POU6F2: variants seen among roughly 807,000 people sequenced by gnomAD.
The protein encoded by POU6F2 is POU domain, class 6, transcription factor 2.
In POU6F2, 31 loss-of-function variants were observed where a neutral mutation model predicts 71.3. The observed-to-expected ratio is 0.43, with a 90% CI of 0.33 to 0.59. POU6F2 has a LOEUF of 0.59. Ranked by LOEUF, POU6F2 falls within the 20% of genes least tolerant of loss-of-function variation. The pLI, the probability that POU6F2 is intolerant of heterozygous loss-of-function variation, is 0.04. For missense variants in POU6F2, 783 were observed against 856.8 expected (o/e 0.91, Z 1.07); for synonymous variants, 347 against 355.7 (o/e 0.98, Z 0.27).
chr7:39,443,916 T>C (rs1202636176), intron 7 of POU6F2, among the ~76,000 whole-genome samples: 1 of 152,216 alleles, frequency 6.6e-6, no homozygotes, highest in Non-Finnish European at 1.5e-5. Flanking sequence ...AGGTAAAATA[T>C]GTCATAAATT....
intron 2 of POU6F2, among the ~76,000 whole-genome samples, chr7:39,115,752 G>A (rs1359907203): frequency 6.6e-6 from 1 of 152,034 alleles, no homozygotes; most frequent in Non-Finnish European, 1.5e-5. Flanking sequence ...TTTGGATGCC[G>A]CCATTTGAAA....
At chr7:39,408,430 C>T (rs574326818) in intron 6 of POU6F2, among the ~76,000 whole-genome samples, 1 of 152,326 alleles carries the variant, frequency 6.6e-6, no homozygotes, top group East Asian at 1.9e-4. Flanking sequence ...ATTAGATATT[C>T]TCAGGAGCTA....
At chr7:39,033,189 C>T (rs1255797500) in intron 1 of POU6F2, among the ~76,000 whole-genome samples, 1 of 152,160 alleles carries the variant, frequency 6.6e-6, no homozygotes, top group Non-Finnish European at 1.5e-5. Flanking sequence ...TGCCTAAAAA[C>T]AACACATATA....
chr7:39,410,435 C>T (rs1204063781), intron 6 of POU6F2, among the ~76,000 whole-genome samples: 1 of 152,208 alleles, frequency 6.6e-6, no homozygotes, highest in Admixed American at 6.5e-5. Context: ...AATTAGTAGT[C>T]ATGAAATTGA....
chr7:39,231,423 T>C (rs553708333), intron 4 of POU6F2, among the ~76,000 whole-genome samples: 1 of 152,316 alleles, frequency 6.6e-6, no homozygotes, highest in Admixed American at 6.5e-5. Context: ...ATATGCTTTA[T>C]TGACATCATA....
chr7:39,240,462 T>A (rs570720853), intron 4 of POU6F2, among the ~76,000 whole-genome samples: 1 of 152,238 alleles, frequency 6.6e-6, no homozygotes, highest in East Asian at 1.9e-4. Flanking sequence ...AAATGGAAAG[T>A]TGATTTCTAA....
intron 4 of POU6F2, among the ~76,000 whole-genome samples, chr7:39,279,779 C>G (rs186159269): frequency 1.3e-5 from 2 of 152,114 alleles, no homozygotes; most frequent in East Asian, 3.9e-4. Context: ...TAGAGTTTCA[C>G]TCTGTTGCCT....
Position 39,094,797 on chromosome 7 carries a change from CT to C in POU6F2, c.277+8771del, listed in dbSNP as rs368101520. Among the ~76,000 whole-genome samples the C allele has an allele frequency of 4.2e-3, 638 of 152,212 alleles. 7 individuals carry two copies. The highest frequency in any genetic ancestry group is 0.015 in the African/African-American group (614 of 41,540). On this transcript the variant is annotated intron_variant, in intron 2 of 9. Transcript: ENST00000518318. ...CATGAAAAATTATTATTGCACATGA[CT>C]TTTTGCTCAAATTGACCCAGGGTAA...
chr7:39,273,341 G>A (rs746963281), intron 4 of POU6F2, among the ~76,000 whole-genome samples: 2 of 152,160 alleles, frequency 1.3e-5, no homozygotes, highest in Non-Finnish European at 2.9e-5. Context: ...CATTATCAGC[G>A]ATGCCATGTG....
At chr7:38,993,898 T>C (rs184369734) in intron 1 of POU6F2, among the ~76,000 whole-genome samples, 7 of 152,132 alleles carry the variant, frequency 4.6e-5, no homozygotes, top group Non-Finnish European at 8.8e-5. Flanking sequence ...TTTAGCTCAG[T>C]CATTCCTTAG....
chr7:38,997,034 A>T (rs920809305), intron 1 of POU6F2, among the ~76,000 whole-genome samples: 2 of 152,130 alleles, frequency 1.3e-5, no homozygotes, highest in Non-Finnish European at 2.9e-5. Flanking sequence ...TACATCAGTG[A>T]CCTTCACACA....
At chr7:38,980,648 T>C (rs1257280266) in intron 1 of POU6F2, among the ~76,000 whole-genome samples, 1 of 152,196 alleles carries the variant, frequency 6.6e-6, no homozygotes, top group African/African-American at 2.4e-5. Flanking sequence ...CATTTAATAA[T>C]GCAAATGTTT....
intron 2 of POU6F2, among the ~76,000 whole-genome samples, chr7:39,194,060 TATTCAAAATTATTTTGAATAAAGAGG>T (rs1793725973): frequency 6.6e-6 from 1 of 152,236 alleles, no homozygotes; most frequent in Non-Finnish European, 1.5e-5. Flanking sequence ...AGGAATTCTT[TATTCAAAATTATTTTGAATAAAGAGG>T]AGTGTTGGCC....
At chr7:39,067,064 C>CAT (rs1790771401) in intron 1 of POU6F2, among the ~76,000 whole-genome samples, 1 of 147,212 alleles carries the variant, frequency 6.8e-6, no homozygotes, top group African/African-American at 2.5e-5. Flanking sequence ...ATGTATATGG[C>CAT]ATATATATAC....
intron 2 of POU6F2, among the ~76,000 whole-genome samples, chr7:39,115,362 C>A (rs764863890): frequency 2.6e-5 from 4 of 152,066 alleles, no homozygotes; most frequent in Non-Finnish European, 1.5e-5. Context: ...ATTTTAGGTA[C>A]CTTCTATTTC....
intron 1 of POU6F2, among the ~76,000 whole-genome samples, chr7:39,004,026 A>C (rs1788988401): frequency 6.6e-6 from 1 of 152,208 alleles, no homozygotes; most frequent in African/African-American, 2.4e-5. Flanking sequence ...CATTCCGTTT[A>C]AAATGAGATA....
chr7:39,187,341 G>A (rs989847854), intron 2 of POU6F2, among the ~76,000 whole-genome samples: 4 of 152,232 alleles, frequency 2.6e-5, no homozygotes, highest in Admixed American at 1.3e-4. Flanking sequence ...GTCTTCGCCT[G>A]CCTGTTCCAC....
intron 4 of POU6F2, among the ~76,000 whole-genome samples, chr7:39,337,733 G>C (rs988844066): frequency 1.3e-5 from 2 of 152,186 alleles, no homozygotes; most frequent in African/African-American, 4.8e-5. Flanking sequence ...GCTTTCCTTT[G>C]CATCTGGTGT....
At chr7:39,255,890 T>G (rs1448648640) in intron 4 of POU6F2, among the ~76,000 whole-genome samples, 1 of 152,228 alleles carries the variant, frequency 6.6e-6, no homozygotes, top group Non-Finnish European at 1.5e-5. Flanking sequence ...GGTGAGCAAC[T>G]GTATCTTCTG....
Sources: gnomAD v4.1 joint callset for allele counts (sites outside exome capture counted in the v4.1 genomes callset) on GRCh38, gnomAD v4.1.1 for gene constraint, MANE v1.5 for transcripts, NCBI Gene and HGNC (gene_info 2026-07-23, HGNC 2026-07-21) for gene names.